The following EYA4 variants were observed in gnomAD, a reference collection of about 807,000 sequenced individuals.
EYA4 encodes EYA transcriptional coactivator and phosphatase 4, also known as protein phosphatase EYA4.
A neutral mutation model predicts 87.9 loss-of-function variants in EYA4; 31 were observed. The ratio of observed to expected loss-of-function variants is 0.35; its 90% confidence interval spans 0.27 to 0.48. The LOEUF is 0.48. EYA4 is among the 20% of genes least tolerant of loss of function. The pLI, the probability that EYA4 is intolerant of heterozygous loss-of-function variation, is 0.99. For synonymous variants in EYA4, 263 were observed against 270.6 expected (o/e 0.97, Z 0.28); for missense variants, 678 against 761.4 (o/e 0.89, Z 1.29).
rs73544990 is a variant in EYA4 at position 133,486,091 on chromosome 6, C to T, written c.1191+2976C>T. Among the ~76,000 whole-genome samples the T allele has an allele frequency of 3.4e-4, 52 of 152,180 alleles. 1 individual carries two copies. Among genetic ancestry groups the T allele is most frequent in the African/African-American group, 1.2e-3 (51 of 41,524 alleles). On this transcript the variant is annotated intron_variant, in intron 13 of 19. Coordinates refer to ENST00000355286, the MANE Select transcript of EYA4 (RefSeq NM_004100.5). The stretch of plus-strand genomic sequence containing the variant: ...GACCACACTGAATAATGTTTTTACT[C>T]AGAGCAATTTAAGAAAACTAAAGTA...
chr6:133,438,447 T>G (rs1315830919), intron 3 of EYA4, among the ~76,000 whole-genome samples: 1 of 149,430 alleles, frequency 6.7e-6, no homozygotes, highest in Admixed American at 6.8e-5. Flanking sequence ...CTACACTACT[T>G]TGTGGCTTCA....
At chr6:133,263,674 G>A (rs1775979066) in intron 1 of EYA4, among the ~76,000 whole-genome samples, 1 of 152,182 alleles carries the variant, frequency 6.6e-6, no homozygotes. Context: ...ACACATGCAA[G>A]CAAACCTTAA....
At chr6:133,503,632 C>T (rs1233463233) in intron 13 of EYA4, among the ~76,000 whole-genome samples, 1 of 152,098 alleles carries the variant, frequency 6.6e-6, no homozygotes, top group East Asian at 1.9e-4. Context: ...TTTCTGTAGA[C>T]TTTGTTCATG....
chr6:133,298,964 G>T (rs918592600), intron 2 of EYA4, among the ~76,000 whole-genome samples: 1 of 152,174 alleles, frequency 6.6e-6, no homozygotes, highest in African/African-American at 2.4e-5. Context: ...AAGAGTCTCT[G>T]CCTTGAAGAA....
chr6:133,369,815 A>G (rs1482036533), intron 2 of EYA4, among the ~76,000 whole-genome samples: 1 of 152,230 alleles, frequency 6.6e-6, no homozygotes, highest in African/African-American at 2.4e-5. Context: ...ACAATGGGTT[A>G]TGAATGTATC....
intron 2 of EYA4, among the ~76,000 whole-genome samples, chr6:133,293,985 C>CATATATGT (rs1778704761): frequency 1.7e-5 from 2 of 117,478 alleles, no homozygotes; most frequent in Non-Finnish European, 3.4e-5. Context: ...ATATATATTA[C>CATATATGT]ATATATATAT....
At chr6:133,249,090 T>C (rs1774671585) in intron 1 of EYA4, among the ~76,000 whole-genome samples, 1 of 152,188 alleles carries the variant, frequency 6.6e-6, no homozygotes, top group Non-Finnish European at 1.5e-5. Context: ...TCAGTGTTGC[T>C]GAAGACTTGC....
intron 11 of EYA4, among the ~76,000 whole-genome samples, chr6:133,480,844 T>C (rs1349829363): frequency 6.6e-6 from 1 of 152,140 alleles, no homozygotes; most frequent in Non-Finnish European, 1.5e-5. Context: ...AGAAGTTTTA[T>C]GTAAAAGAGA....
chr6:133,337,538 T>C (rs1562304342), intron 2 of EYA4, among the ~76,000 whole-genome samples: 1 of 152,070 alleles, frequency 6.6e-6, no homozygotes, highest in Non-Finnish European at 1.5e-5. Flanking sequence ...ACATCATGGG[T>C]TTTGCAATCA....
At chr6:133,508,997 A>C (rs1471527244) in intron 14 of EYA4, among the ~76,000 whole-genome samples, 1 of 152,198 alleles carries the variant, frequency 6.6e-6, no homozygotes, top group Non-Finnish European at 1.5e-5. Flanking sequence ...AAAATAATTG[A>C]GTTTCTGCAG....
intron 2 of EYA4, among the ~76,000 whole-genome samples, chr6:133,343,187 C>T (rs1782930223): frequency 6.6e-6 from 1 of 152,154 alleles, no homozygotes; most frequent in African/African-American, 2.4e-5. Context: ...ATCAACCTAA[C>T]AAAAGCTTGG....
intron 3 of EYA4, among the ~76,000 whole-genome samples, chr6:133,444,870 AG>A (rs1234721849): frequency 6.6e-6 from 1 of 152,180 alleles, no homozygotes; most frequent in African/African-American, 2.4e-5. Context: ...CCCCGTAATT[AG>A]GTCTTGGTTG....
chr6:133,411,506 C>G (rs1348726020), intron 3 of EYA4, among the ~76,000 whole-genome samples: 1 of 152,082 alleles, frequency 6.6e-6, no homozygotes, highest in Non-Finnish European at 1.5e-5. Context: ...GTTAACCACA[C>G]TTTGGCACAT....
chr6:133,259,797 A>G (rs2128240925), intron 1 of EYA4, among the ~76,000 whole-genome samples: 1 of 152,288 alleles, frequency 6.6e-6, no homozygotes, highest in East Asian at 1.9e-4. Context: ...AAAGAATATG[A>G]CTCACAGGTG....
intron 3 of EYA4, among the ~76,000 whole-genome samples, chr6:133,433,219 T>C (rs1006082982): frequency 1.7e-4 from 26 of 152,206 alleles, no homozygotes; most frequent in African/African-American, 5.3e-4. Flanking sequence ...GAGGCAGTGA[T>C]AATGAGAAGC....
intron 17 of EYA4, among the ~76,000 whole-genome samples, chr6:133,519,945 A>G (rs942584710): frequency 6.6e-6 from 1 of 151,880 alleles, no homozygotes; most frequent in Non-Finnish European, 1.5e-5. Flanking sequence ...AAATTCAACA[A>G]CCCTTCATGC....
chr6:133,522,717 C>G (rs1300967566), intron 17 of EYA4, among the ~76,000 whole-genome samples: 2 of 152,158 alleles, frequency 1.3e-5, no homozygotes, highest in Non-Finnish European at 2.9e-5. Context: ...CATATCCAAA[C>G]CACATCTCGA....
chr6:133,407,597 C>A (rs1248363876), intron 3 of EYA4, among the ~76,000 whole-genome samples: 1 of 152,116 alleles, frequency 6.6e-6, no homozygotes, highest in Non-Finnish European at 1.5e-5. Flanking sequence ...AACATGCAAT[C>A]ATAAATCTTC....
intron 13 of EYA4, among the ~76,000 whole-genome samples, chr6:133,494,289 C>T (rs1797436444): frequency 6.6e-6 from 1 of 152,080 alleles, no homozygotes; most frequent in African/African-American, 2.4e-5. Context: ...GGAACTGGAG[C>T]TCTTTTAGTG....
Sources: allele counts gnomAD v4.1 joint callset (sites outside exome capture counted in the v4.1 genomes callset), GRCh38; gene constraint gnomAD v4.1.1; transcripts MANE v1.5; gene names NCBI Gene and HGNC (gene_info 2026-07-23, HGNC 2026-07-21).